The following TNFSF4 variants were observed in gnomAD, a reference collection of about 807,000 sequenced individuals.
TNFSF4 encodes the protein tumor necrosis factor ligand superfamily member 4.
A neutral mutation model predicts 7.3 loss-of-function variants in TNFSF4; 4 were observed. The observed-to-expected ratio is 0.55, with a 90% confidence interval of 0.27 to 1.25. The LOEUF is 1.25. Ranked by LOEUF, TNFSF4 falls within the 50% of genes most tolerant of loss-of-function variation. The pLI is 0.12. For synonymous variants in TNFSF4, 76 were observed against 83.7 expected, an observed-to-expected ratio of 0.91 and a Z score of 0.50; for missense variants, 181 against 208.8, an observed-to-expected ratio of 0.87 and a Z score of 0.82.
the TNFSF4 span, among the ~76,000 whole-genome samples, chr1:173,270,217 T>A: frequency 6.6e-6 from 1 of 152,158 alleles, no homozygotes; most frequent in Non-Finnish European, 1.5e-5. Context: ...TTGGAACTTA[T>A]AAGTTTCACA....
chr1:173,236,691 G>C, the TNFSF4 span, among the ~76,000 whole-genome samples: 1 of 152,072 alleles, frequency 6.6e-6, no homozygotes, highest in Non-Finnish European at 1.5e-5. Context: ...CAGCACCATG[G>C]ATGGAACAGG....
chr1:173,412,746 A>G, the TNFSF4 span, among the ~76,000 whole-genome samples: 1 of 152,238 alleles, frequency 6.6e-6, no homozygotes, highest in Non-Finnish European at 1.5e-5. Flanking sequence ...AATAGTGATT[A>G]TCTTTGAGTG....
chr1:173,274,550 C>T, the TNFSF4 span, among the ~76,000 whole-genome samples: 1 of 152,100 alleles, frequency 6.6e-6, no homozygotes. Flanking sequence ...CCTGCACAAT[C>T]CCCAAAACTG....
chr1:173,305,648 T>C, the TNFSF4 span, among the ~76,000 whole-genome samples: 1 of 151,730 alleles, frequency 6.6e-6, no homozygotes, highest in African/African-American at 2.4e-5. Context: ...TATTAGTCCA[T>C]TTTTATACTG....
the TNFSF4 span, among the ~76,000 whole-genome samples, chr1:173,355,021 G>A: frequency 3.9e-5 from 6 of 152,174 alleles, no homozygotes; most frequent in Non-Finnish European, 2.9e-5. Flanking sequence ...GCGTAGTTGG[G>A]AGCTGTATTC....
At chr1:173,394,674 C>T in the TNFSF4 span, among the ~76,000 whole-genome samples, 2 of 152,072 alleles carry the variant, frequency 1.3e-5, no homozygotes, top group South Asian at 2.1e-4. Flanking sequence ...CTAGAACATC[C>T]GTTTTCTCCT....
At chr1:173,379,839 A>C in the TNFSF4 span, among the ~76,000 whole-genome samples, 2 of 152,320 alleles carry the variant, frequency 1.3e-5, no homozygotes, top group East Asian at 3.9e-4. Context: ...GTCCAATGAG[A>C]AACAAGCCAC....
chr1:173,220,580 T>C, the TNFSF4 span, among the ~76,000 whole-genome samples: 1 of 152,158 alleles, frequency 6.6e-6, no homozygotes, highest in Non-Finnish European at 1.5e-5. Context: ...TGATGGTATT[T>C]GGAGGCTTTG....
At chr1:173,252,132 A>G in the TNFSF4 span, among the ~76,000 whole-genome samples, 1 of 152,092 alleles carries the variant, frequency 6.6e-6, no homozygotes, top group Admixed American at 6.6e-5. Flanking sequence ...AACTAGATCA[A>G]ATGTTTTATG....
At chr1:173,219,102 A>G in the TNFSF4 span, among the ~76,000 whole-genome samples, 1 of 152,186 alleles carries the variant, frequency 6.6e-6, no homozygotes, top group Non-Finnish European at 1.5e-5. Flanking sequence ...TTTAAAGTCC[A>G]AAGAGACACC....
the TNFSF4 span, among the ~76,000 whole-genome samples, chr1:173,245,707 AC>A: frequency 4.8e-4 from 73 of 152,232 alleles, no homozygotes; most frequent in African/African-American, 1.4e-3. Context: ...TCTAACTGTA[AC>A]TTTTTACCTG....
the TNFSF4 span, among the ~76,000 whole-genome samples, chr1:173,332,266 A>G: frequency 7.2e-5 from 11 of 152,178 alleles, no homozygotes; most frequent in African/African-American, 2.7e-4. Flanking sequence ...GTCATGGCCC[A>G]CAGCCCGAGG....
At chr1:173,417,671 C>T in the TNFSF4 span, 5 of 152,154 alleles carry the variant, frequency 3.3e-5, no homozygotes, top group Admixed American at 2.6e-4. Context: ...GATGAGATCT[C>T]ACCTCCGTCT....
the TNFSF4 span, among the ~76,000 whole-genome samples, chr1:173,271,389 T>C: frequency 2.0e-5 from 3 of 152,126 alleles, no homozygotes; most frequent in Admixed American, 1.3e-4. Context: ...CCCAGTACCA[T>C]TTATTAAATA....
chr1:173,415,921 G>A, the TNFSF4 span, among the ~76,000 whole-genome samples: 2 of 152,170 alleles, frequency 1.3e-5, no homozygotes, highest in African/African-American at 4.8e-5. Context: ...AAAGAAAAAT[G>A]ACAGCTGTGC....
the TNFSF4 span, among the ~76,000 whole-genome samples, chr1:173,338,566 C>T: frequency 6.6e-6 from 1 of 152,132 alleles, no homozygotes; most frequent in African/African-American, 2.4e-5. Flanking sequence ...CAAGGTTCTC[C>T]AGAACACTGT....
At chr1:173,208,717 G>C (rs1650280679), upstream of TNFSF4, among the ~76,000 whole-genome samples, 1 of 151,944 alleles carries the variant, frequency 6.6e-6, no homozygotes, top group African/African-American at 2.4e-5. Flanking sequence ...TTACATACAG[G>C]GTGTGGAGAA....
At chr1:173,380,008 C>T in the TNFSF4 span, among the ~76,000 whole-genome samples, 22 of 152,316 alleles carry the variant, frequency 1.4e-4, no homozygotes, top group Non-Finnish European at 1.8e-4. Context: ...ACTCACTGAG[C>T]GCCGGGTACG....
chr1:173,199,507 T>C (rs1649850228), intron 1 of TNFSF4, among the ~76,000 whole-genome samples: 1 of 152,100 alleles, frequency 6.6e-6, no homozygotes, highest in South Asian at 2.1e-4. Flanking sequence ...CTTGGAGCAA[T>C]ACAGCTACAA....
Sources: allele counts gnomAD v4.1 joint callset (sites outside exome capture counted in the v4.1 genomes callset), GRCh38; gene constraint gnomAD v4.1.1; transcripts MANE v1.5; gene names NCBI Gene and HGNC (gene_info 2026-07-23, HGNC 2026-07-21).